DSCAM: variants seen among roughly 807,000 people sequenced by gnomAD.
DSCAM encodes the protein DS cell adhesion molecule.
A neutral mutation model predicts 217.7 loss-of-function variants in DSCAM; 47 were observed. The ratio of observed to expected loss-of-function variants is 0.22; its 90% CI spans 0.17 to 0.28. DSCAM has a LOEUF of 0.28. Among genes scored for constraint, DSCAM ranks in the 10% least tolerant of loss-of-function variants. The pLI is 1.00. For synonymous variants in DSCAM, 1,056 were observed against 1,015.3 expected (o/e 1.04, Z -0.76); for missense variants, 2,080 against 2,618.3 (o/e 0.79, Z 4.49).
At chr21:40,129,313 C>T (rs553510613) in intron 19 of DSCAM, among the ~76,000 whole-genome samples, 1 of 152,340 alleles carries the variant, frequency 6.6e-6, no homozygotes, top group South Asian at 2.1e-4. Flanking sequence ...TGTCCCTTTT[C>T]TCTTCCCATG....
At chr21:40,758,069 GAC>G (rs1478321286) in intron 1 of DSCAM, among the ~76,000 whole-genome samples, 1 of 152,188 alleles carries the variant, frequency 6.6e-6, no homozygotes, top group Non-Finnish European at 1.5e-5. Flanking sequence ...CAGAGAGGCA[GAC>G]ACAGACCCAC....
At chr21:40,331,503 C>T (rs1185695476) in intron 8 of DSCAM, among the ~76,000 whole-genome samples, 1 of 152,194 alleles carries the variant, frequency 6.6e-6, no homozygotes, top group Non-Finnish European at 1.5e-5. Context: ...ATTACGGTGA[C>T]AGACGAGACA....
At chr21:40,493,879 A>AATATATAT (rs1555845574) in intron 3 of DSCAM, among the ~76,000 whole-genome samples, 1 of 135,556 alleles carries the variant, frequency 7.4e-6, no homozygotes, top group South Asian at 2.4e-4. Flanking sequence ...AAAAAAAAAA[A>AATATATAT]ATATATACAT....
intron 19 of DSCAM, among the ~76,000 whole-genome samples, chr21:40,130,170 C>G (rs1022340578): frequency 6.6e-6 from 1 of 152,226 alleles, no homozygotes; most frequent in Non-Finnish European, 1.5e-5. Flanking sequence ...AGAGTGAAAA[C>G]AGCAATTGGA....
intron 1 of DSCAM, among the ~76,000 whole-genome samples, chr21:40,802,153 GC>G (rs1339529381): frequency 6.6e-6 from 1 of 152,034 alleles, no homozygotes; most frequent in East Asian, 1.9e-4. Context: ...GGCCTTGGGG[GC>G]CCAACTCCCA....
At chr21:40,563,848 ATATATGTT>A (rs958624278) in intron 3 of DSCAM, among the ~76,000 whole-genome samples, 17 of 150,200 alleles carry the variant, frequency 1.1e-4, no homozygotes, top group East Asian at 5.8e-4. Flanking sequence ...TTATATGTTT[ATATATGTT>A]TATATGTTTA....
intron 3 of DSCAM, among the ~76,000 whole-genome samples, chr21:40,388,039 G>T (rs547880461): frequency 6.6e-6 from 1 of 152,084 alleles, no homozygotes; most frequent in African/African-American, 2.4e-5. Context: ...GAGACTTGAA[G>T]GAGAGATAGA....
At chr21:40,703,895 T>G (rs2090683868) in intron 2 of DSCAM, among the ~76,000 whole-genome samples, 1 of 152,122 alleles carries the variant, frequency 6.6e-6, no homozygotes, top group African/African-American at 2.4e-5. Flanking sequence ...AAAGCTTGAT[T>G]TTTTTTTAGA....
At chr21:40,813,491 G>A (rs140919080) in intron 1 of DSCAM, among the ~76,000 whole-genome samples, 1 of 152,202 alleles carries the variant, frequency 6.6e-6, no homozygotes, top group Non-Finnish European at 1.5e-5. Flanking sequence ...CTGTATCTCA[G>A]TGGTTTTGGC....
chr21:40,522,728 G>A (rs751512546), intron 3 of DSCAM, among the ~76,000 whole-genome samples: 9 of 152,186 alleles, frequency 5.9e-5, no homozygotes, highest in Non-Finnish European at 1.3e-4. Context: ...TATCTAAAGA[G>A]AATTTTCGTC....
At chr21:40,501,372 T>C (rs2146036441) in intron 3 of DSCAM, among the ~76,000 whole-genome samples, 1 of 152,256 alleles carries the variant, frequency 6.6e-6, no homozygotes, top group Non-Finnish European at 1.5e-5. Flanking sequence ...TCTACCCAGG[T>C]GTGTTATATT....
intron 3 of DSCAM, among the ~76,000 whole-genome samples, chr21:40,528,774 TCTG>T (rs2076419792): frequency 1.3e-5 from 2 of 152,086 alleles, no homozygotes; most frequent in Admixed American, 1.3e-4. Context: ...AGTCATTGTC[TCTG>T]CTTTCAGAAT....
intron 11 of DSCAM, among the ~76,000 whole-genome samples, chr21:40,275,028 A>G (rs1005728505): frequency 6.6e-6 from 1 of 152,158 alleles, no homozygotes; most frequent in African/African-American, 2.4e-5. Flanking sequence ...AGTTAAAAAA[A>G]AGAGGAAATC....
intron 4 of DSCAM, among the ~76,000 whole-genome samples, chr21:40,358,443 GAAGAGTTC>G (rs765528026): frequency 0.085 from 12,893 of 152,146 alleles, 648 homozygotes; most frequent in East Asian, 0.21. Context: ...TCATGACCTT[GAAGAGTTC>G]TTAGGCATAA....
At chr21:40,632,616 CG>C (rs1452904862) in intron 3 of DSCAM, among the ~76,000 whole-genome samples, 1 of 152,176 alleles carries the variant, frequency 6.6e-6, no homozygotes, top group Non-Finnish European at 1.5e-5. Flanking sequence ...AATAAAATAA[CG>C]TGTTTTGCTT....
At chr21:40,052,810 G>A (rs1281222585) in intron 29 of DSCAM, among the ~76,000 whole-genome samples, 2 of 152,324 alleles carry the variant, frequency 1.3e-5, no homozygotes, top group South Asian at 2.1e-4. Context: ...GAAGGTGAGC[G>A]AGGCAGGAGC....
At chr21:40,537,514 C>T (rs755958386) in intron 3 of DSCAM, among the ~76,000 whole-genome samples, 1 of 152,104 alleles carries the variant, frequency 6.6e-6, no homozygotes, top group Non-Finnish European at 1.5e-5. Flanking sequence ...AACTCACATG[C>T]TTAAGTACTA....
chr21:40,799,985 G>C (rs1002500686), intron 1 of DSCAM, among the ~76,000 whole-genome samples: 1 of 152,170 alleles, frequency 6.6e-6, no homozygotes, highest in African/African-American at 2.4e-5. Context: ...ACTTTTAAGA[G>C]GTAATCCATT....
intron 3 of DSCAM, among the ~76,000 whole-genome samples, chr21:40,404,805 C>T (rs1394132690): frequency 6.6e-6 from 1 of 152,152 alleles, no homozygotes; most frequent in Non-Finnish European, 1.5e-5. Context: ...AGTTTGCACT[C>T]CTGGCACTGT....
Sources: allele counts gnomAD v4.1 joint callset (sites outside exome capture counted in the v4.1 genomes callset), GRCh38; gene constraint gnomAD v4.1.1; transcripts MANE v1.5; gene names NCBI Gene and HGNC (gene_info 2026-07-23, HGNC 2026-07-21).